The following ASTN2 variants were observed in gnomAD, a reference collection of about 807,000 sequenced individuals.
ASTN2 encodes astrotactin 2, also known as astrotactin-2.
In ASTN2, 54 loss-of-function variants were observed where a neutral mutation model predicts 139.8. That is an observed-to-expected ratio of 0.39 (90% CI 0.31 to 0.48). The LOEUF (loss-of-function observed/expected upper bound fraction) is 0.48. ASTN2 is among the 20% of genes least tolerant of loss of function. The probability of loss-of-function intolerance (pLI) is 0.95; values close to 1 mark genes in which losing one functional copy is unlikely to be tolerated. For missense variants in ASTN2, 1,565 were observed against 1,725.1 expected (o/e 0.91, Z 1.64); for synonymous variants, 756 against 719.5 (o/e 1.05, Z -0.81).
At chr9:116,851,732 G>A (rs113457949) in intron 11 of ASTN2, among the ~76,000 whole-genome samples, 125 of 152,092 alleles carry the variant, frequency 8.2e-4, no homozygotes, top group African/African-American at 2.9e-3. Flanking sequence ...CAACAAAAAC[G>A]TGAAGGTCAG....
chr9:117,359,767 G>T (rs370628797), intron 1 of ASTN2, among the ~76,000 whole-genome samples: 5 of 152,266 alleles, frequency 3.3e-5, no homozygotes, highest in East Asian at 1.9e-4. Context: ...TGGAGTCAGG[G>T]ATTGCAGATT....
intron 11 of ASTN2, among the ~76,000 whole-genome samples, chr9:116,862,578 A>G (rs1832910438): frequency 6.6e-6 from 1 of 152,152 alleles, no homozygotes; most frequent in African/African-American, 2.4e-5. Flanking sequence ...CTAGGCAGAG[A>G]GAAGGTACAA....
At chr9:117,005,250 A>ATTTTTT (rs35449201) in intron 7 of ASTN2, among the ~76,000 whole-genome samples, 1 of 142,456 alleles carries the variant, frequency 7.0e-6, no homozygotes. Context: ...AAGCCCAGCT[A>ATTTTTT]TTTTTTTTTT....
intron 10 of ASTN2, among the ~76,000 whole-genome samples, chr9:116,956,336 T>G (rs927144381): frequency 1.3e-4 from 19 of 149,948 alleles, no homozygotes; most frequent in African/African-American, 4.6e-4. Context: ...CGACCTCAGG[T>G]GATCCACCTG....
intron 2 of ASTN2, among the ~76,000 whole-genome samples, chr9:117,273,175 A>G (rs1264451404): frequency 1.3e-5 from 2 of 152,206 alleles, no homozygotes; most frequent in African/African-American, 4.8e-5. Context: ...ATGAGGAAGA[A>G]GCAAAAGTAG....
intron 11 of ASTN2, among the ~76,000 whole-genome samples, chr9:116,838,111 G>GTTT (rs1249646800): frequency 7.0e-6 from 1 of 142,080 alleles, no homozygotes; most frequent in Admixed American, 7.2e-5. Flanking sequence ...GTTTTTTTTT[G>GTTT]TTTTGTTTTG....
intron 3 of ASTN2, among the ~76,000 whole-genome samples, chr9:117,162,723 A>T (rs898563107): frequency 2.0e-5 from 3 of 152,084 alleles, no homozygotes; most frequent in African/African-American, 7.2e-5. Context: ...GAGTAAATAT[A>T]GGTAAATCAT....
At chr9:117,244,847 T>C (rs1265481254) in intron 2 of ASTN2, among the ~76,000 whole-genome samples, 1 of 152,042 alleles carries the variant, frequency 6.6e-6, no homozygotes, top group Admixed American at 6.5e-5. Flanking sequence ...TTGAAGACAC[T>C]GTGAAGCTGC....
intron 19 of ASTN2, among the ~76,000 whole-genome samples, chr9:116,491,746 A>T (rs1429169049): frequency 6.6e-6 from 1 of 152,240 alleles, no homozygotes; most frequent in Non-Finnish European, 1.5e-5. Context: ...CTCTATGCAC[A>T]AATGAAAATC....
intron 1 of ASTN2, among the ~76,000 whole-genome samples, chr9:117,367,238 TTC>T (rs2130906911): frequency 6.6e-6 from 1 of 152,314 alleles, no homozygotes; most frequent in East Asian, 1.9e-4. Context: ...TTGTGCAGGA[TTC>T]TCTCAGTGAT....
chr9:117,258,799 G>A (rs375851367), intron 2 of ASTN2, among the ~76,000 whole-genome samples: 91 of 152,152 alleles, frequency 6.0e-4, no homozygotes, highest in Middle Eastern at 3.4e-3. Context: ...TGTCTGAAAC[G>A]TCTGCCTTAG....
intron 3 of ASTN2, among the ~76,000 whole-genome samples, chr9:117,210,794 T>C (rs562117479): frequency 1.8e-3 from 269 of 152,130 alleles, no homozygotes; most frequent in Non-Finnish European, 2.8e-3. Flanking sequence ...TGAAAATATA[T>C]GCAAAAATCC....
intron 19 of ASTN2, among the ~76,000 whole-genome samples, chr9:116,508,455 T>C (rs969943596): frequency 1.3e-5 from 2 of 152,110 alleles, no homozygotes; most frequent in Admixed American, 6.6e-5. Context: ...AGTCAATTTT[T>C]TGTGAAGGGT....
At chr9:116,534,413 G>A (rs1347691205) in intron 19 of ASTN2, among the ~76,000 whole-genome samples, 2 of 152,122 alleles carry the variant, frequency 1.3e-5, no homozygotes, top group Non-Finnish European at 2.9e-5. Flanking sequence ...GTTTTTGAAT[G>A]TGTTTGCTCT....
intron 1 of ASTN2, among the ~76,000 whole-genome samples, chr9:117,337,431 C>T (rs1171060107): frequency 2.0e-5 from 3 of 152,084 alleles, no homozygotes; most frequent in African/African-American, 4.8e-5. Context: ...TTATTATCTA[C>T]CATATGTTTC....
At position 117,029,659 on chromosome 9, in the gene ASTN2, G is replaced by A. The variant is rs117983437; in HGVS notation, c.1423+10160C>T. Among the ~76,000 whole-genome samples the A allele has an allele frequency of 3.6e-3, 553 of 151,864 alleles. 4 individuals are homozygous for A. Among genetic ancestry groups the A allele is most frequent in the Non-Finnish European group, 6.4e-3 (432 of 67,954 alleles). On this transcript the variant is annotated intron_variant, in intron 6 of 22. Coordinates refer to ENST00000313400, the MANE Select transcript of ASTN2 (RefSeq NM_001365068.1). ...GCCACAGAGAGTATGGTATGCAAAC[G>A]TTTGTTGACCATGGGAGGAAAAAAA...
At chr9:116,752,981 T>G (rs1052949704) in intron 13 of ASTN2, among the ~76,000 whole-genome samples, 1 of 152,216 alleles carries the variant, frequency 6.6e-6, no homozygotes, top group African/African-American at 2.4e-5. Flanking sequence ...TAAACAGTCT[T>G]ACCACGAAAT....
intron 11 of ASTN2, among the ~76,000 whole-genome samples, chr9:116,836,054 C>T (rs934770936): frequency 5.9e-5 from 9 of 152,256 alleles, no homozygotes; most frequent in Admixed American, 3.9e-4. Context: ...GTCCCAGTTC[C>T]CCATGTGGCC....
chr9:116,822,377 T>G (rs1345920141), intron 11 of ASTN2, among the ~76,000 whole-genome samples: 1 of 152,174 alleles, frequency 6.6e-6, no homozygotes, highest in African/African-American at 2.4e-5. Context: ...CATTTTGTGC[T>G]TAAAAAATCA....
Sources: allele counts gnomAD v4.1 joint callset (sites outside exome capture counted in the v4.1 genomes callset), GRCh38; gene constraint gnomAD v4.1.1; transcripts MANE v1.5; gene names NCBI Gene and HGNC (gene_info 2026-07-23, HGNC 2026-07-21).